The following CYP51A1 variants were observed in gnomAD, a reference collection of about 807,000 sequenced individuals.
CYP51A1 encodes cytochrome P450 family 51 subfamily A member 1, also known as lanosterol 14-alpha demethylase.
In CYP51A1, 45 loss-of-function variants were observed where a neutral mutation model predicts 53.5. The observed-to-expected ratio is 0.84, with a 90% CI of 0.66 to 1.08. CYP51A1 has a LOEUF of 1.08. Among genes scored for constraint, CYP51A1 ranks in the 50% least tolerant of loss-of-function variants. The pLI, the probability that CYP51A1 is intolerant of heterozygous loss-of-function variation, is 0.00. For synonymous variants in CYP51A1, 181 were observed against 217.7 expected, an observed-to-expected ratio of 0.83 and a Z score of 1.48; for missense variants, 462 against 621.7, an observed-to-expected ratio of 0.74 and a Z score of 2.73.
rs925252440 is a variant in CYP51A1 at position 92,120,862 on chromosome 7, A to G, written c.1087-2247T>C. ...AAAAATAGATGAACTCTTACAACTC[A>G]ATAATAAAAAGACAACTCATTTTAA... On this transcript the variant is annotated intron_variant, in intron 7 of 9. Transcript: ENST00000003100. Among the ~76,000 whole-genome samples, 18 of 152,356 alleles carry G rather than the reference A, an allele frequency of 1.2e-4. 1 individual carries two copies. Among genetic ancestry groups the G allele is most frequent in the African/African-American group, 3.8e-4 (16 of 41,588 alleles).
At chr7:92,117,282 T>C in intron 8 of CYP51A1, 70 bp from the exon 9 acceptor site, 4 of 1,360,316 alleles carry the variant, frequency 2.9e-6, no homozygotes, top group Non-Finnish European at 4.1e-6. Flanking sequence ...GATCATTGTG[T>C]AATAAAGCAT....
chr7:92,134,071 C>T, intron 1 of CYP51A1, 102 bp downstream of exon 1: 1 of 1,129,494 alleles, frequency 8.9e-7, no homozygotes, highest in Non-Finnish European at 1.3e-6. Context: ...CCCGCCCTTG[C>T]CATCCACTGA....
chr7:92,118,446 C>G, intron 8 of CYP51A1, 74 bp downstream of exon 8: 1 of 857,256 alleles, frequency 1.2e-6, no homozygotes, highest in Non-Finnish European at 2.0e-6. Flanking sequence ...AGGTGTGAAC[C>G]ACCACACCCA....
Position 92,126,341 on chromosome 7 carries a change from T to C in CYP51A1, c.682A>G (p.Lys228Glu). The change falls in exon 5 of 10, where the codon AAG (lysine) becomes GAG (glutamate). Residue 228 changes from lysine to glutamate, a missense_variant. Coordinates refer to ENST00000003100, the MANE Select transcript of CYP51A1 (RefSeq NM_000786.4). ...AAATCTGCATACAGCTGTGCTACCT[T>C]TTCATTGAGTTGACTTCTGATTTCC... ...GKEIRSQLNE[K>E]VAQLYADLDG... The C allele has an allele frequency of 1.9e-6, 3 of 1,613,292 alleles. No homozygotes were observed. Among genetic ancestry groups the C allele is most frequent in the Non-Finnish European group, 2.5e-6 (3 of 1,179,734 alleles).
chr7:92,119,671 T>C (rs1819647116), intron 7 of CYP51A1, among the ~76,000 whole-genome samples: 1 of 152,114 alleles, frequency 6.6e-6, no homozygotes, highest in South Asian at 2.1e-4. Context: ...ATTTCCACAG[T>C]TGCCACATTA....
At position 92,128,821 on chromosome 7, in the gene CYP51A1, A is replaced by G. The variant is rs1819861110; in HGVS notation, c.468+59T>C. 2.2e-6 allele frequency: 3 copies of G among 1,381,532 alleles called. No homozygotes were observed. In the South Asian group the frequency reaches 4.0e-5, roughly 19 times the overall value. 85.6% of individuals were successfully genotyped at this position (1,381,532 alleles called of 1,614,324 possible). On this transcript the variant is annotated intron_variant, in intron 3 of 9. Coordinates refer to ENST00000003100, the MANE Select transcript of CYP51A1 (RefSeq NM_000786.4). ...CATTTTAAATGTATAATGTCTCACT[A>G]TTAGCTATAACTACTGAGGTATAGA... is the stretch of plus-strand genomic sequence containing the variant.
chr7:92,123,933 C>A (rs1054347727), intron 5 of CYP51A1, 80 bp from the exon 6 acceptor site: 2 of 1,224,240 alleles, frequency 1.6e-6, no homozygotes, highest in South Asian at 1.7e-5. Flanking sequence ...GAACCAGGAC[C>A]GAGCATAAAG....
rs578011737 is a variant in CYP51A1 at position 92,129,591 on chromosome 7, T to C, written c.292-535A>G. On this transcript the variant is annotated intron_variant, in intron 2 of 9. Coordinates refer to ENST00000003100, the MANE Select transcript of CYP51A1 (RefSeq NM_000786.4). ...AATGACTTCATTTTTTATTTTATAT[T>C]AATTTGGTTAGATGTTAAATACTTT... Among the ~76,000 whole-genome samples, 3 of 152,332 alleles carry C rather than the reference T, an allele frequency of 2.0e-5. No homozygotes were observed. The East Asian group carries it at 5.8e-4, about 29-fold the overall frequency.
chr7:92,118,698 C>T (rs1819626896), intron 7 of CYP51A1, 83 bp from the exon 8 acceptor site: 3 of 789,260 alleles, frequency 3.8e-6, no homozygotes, highest in Admixed American at 1.9e-5. Context: ...TTAGTTAGTA[C>T]AAGACAGCTT....
chr7:92,119,691 TAC>T (rs369418851), intron 7 of CYP51A1, among the ~76,000 whole-genome samples: 7 of 152,238 alleles, frequency 4.6e-5, no homozygotes, highest in African/African-American at 1.4e-4. Flanking sequence ...ATTTTAAATG[TAC>T]AGTTTTCAAC....
intron 8 of CYP51A1, among the ~76,000 whole-genome samples, chr7:92,117,695 A>C (rs1457575706): frequency 2.0e-5 from 3 of 152,232 alleles, no homozygotes; most frequent in Non-Finnish European, 2.9e-5. Flanking sequence ...TTAGCATTAA[A>C]GATTAGCATG....
chr7:92,119,591 AC>A (rs1167888347), intron 7 of CYP51A1, among the ~76,000 whole-genome samples: 1 of 152,202 alleles, frequency 6.6e-6, no homozygotes, highest in Non-Finnish European at 1.5e-5. Flanking sequence ...AACGCAGTAA[AC>A]AAACAGCAGC....
intron 8 of CYP51A1, chr7:92,117,437 G>T: frequency 2.7e-6 from 1 of 367,896 alleles, no homozygotes; most frequent in Non-Finnish European, 4.8e-6. Flanking sequence ...CTAGATAATA[G>T]GCAAACTAAA....
chr7:92,123,758 T>G lies in CYP51A1; in HGVS notation c.866A>C (p.Gln289Pro). 1.2e-6 allele frequency: 2 copies of G among 1,608,700 alleles called. No homozygotes were observed. Among genetic ancestry groups the G allele is most frequent in the South Asian group, 2.2e-5 (2 of 90,270 alleles). The change falls in exon 6 of 10, where the codon CAA (glutamine) becomes CCA (proline). Residue 289 changes from glutamine to proline, a missense_variant. By Grantham distance (76) the Gln-to-Pro change is moderately conservative. Coordinates refer to ENST00000003100, the MANE Select transcript of CYP51A1 (RefSeq NM_000786.4). Reference sequence around the variant, plus strand: ...CTTGTATGTAGCATCTAGTAAAGTTTGGAGAATGTCATCAATTTTTTCTTG... The same window carrying G: ...CTTGTATGTAGCATCTAGTAAAGTTGGGAGAATGTCATCAATTTTTTCTTG... ...QSQEKIDDIL[Q>P]TLLDATYKDG... is the part of the protein sequence containing the mutation.
chr7:92,128,441 T>C (rs1819846030), intron 3 of CYP51A1, among the ~76,000 whole-genome samples: 1 of 147,338 alleles, frequency 6.8e-6, no homozygotes, highest in Non-Finnish European at 1.5e-5. Context: ...TGTGTGTGTG[T>C]GTGTGTGTGT....
upstream of CYP51A1, chr7:92,134,681 A>C: frequency 3.2e-6 from 1 of 313,852 alleles, no homozygotes; most frequent in East Asian, 5.3e-5. Flanking sequence ...GAGGCGATCA[A>C]TCCCTGAGAA....
chr7:92,116,899 T>C lies in CYP51A1; in HGVS notation c.1351+145A>G, dbSNP rs923899390. ...AAAGGAAATATTTTTCTCCAACTTA[T>C]AAAGATTCTTCTCCTAAAAAAGTTT... On this transcript the variant is annotated intron_variant, in intron 9 of 9. Transcript: ENST00000003100. The C allele has an allele frequency of 3.6e-4, 238 of 654,896 alleles. No homozygotes were observed. The East Asian group carries it at 6.6e-3, about 18-fold the overall frequency. The allele number at this position is 654,896 out of a possible 1,614,324, so 40.6% of individuals were successfully genotyped here.
At chr7:92,114,954 T>C (rs1021015901) in intron 9 of CYP51A1, among the ~76,000 whole-genome samples, 2 of 152,190 alleles carry the variant, frequency 1.3e-5, no homozygotes, top group African/African-American at 4.8e-5. Context: ...AGGAGTGACA[T>C]TTAAGATGAG....
rs917785462 is a variant in CYP51A1 at position 92,134,231 on chromosome 7, C to G, written c.134G>C (p.Ser45Thr). 1.9e-6 allele frequency: 3 copies of G among 1,613,448 alleles called. No individual in the cohort carries two copies. The highest frequency in any genetic ancestry group is 2.5e-6 in the Non-Finnish European group (3 of 1,179,766). The change falls in exon 1 of 10, where the codon AGC becomes ACC. Residue 45 changes from serine to threonine, a missense_variant. Transcript: ENST00000003100. ...GGCCAGACGGATCAGGTAGACCAGG[C>G]TGAGGGTGAAGGCGCAGGCGATCAG... ...MLLIACAFTL[S>T]LVYLIRLAAG... is the part of the protein sequence containing the mutation.
Sources: allele counts gnomAD v4.1 joint callset (sites outside exome capture counted in the v4.1 genomes callset), GRCh38; gene constraint gnomAD v4.1.1; transcripts MANE v1.5; gene names NCBI Gene and HGNC (gene_info 2026-07-23, HGNC 2026-07-21).